Variants in PHLDB2 observed in about 807,000 individuals in gnomAD.
The protein encoded by PHLDB2 is pleckstrin homology like domain family B member 2, also known as pleckstrin homology-like domain family B member 2.
PHLDB2 carries 71 observed loss-of-function variants against 123.6 expected under a neutral mutation model. That is an observed-to-expected ratio of 0.57 (90% CI 0.47 to 0.70). The LOEUF (loss-of-function observed/expected upper bound fraction) is 0.70, where lower values mean the gene tolerates loss of function less well. Among genes scored for constraint, PHLDB2 ranks in the 30% least tolerant of loss-of-function variants. The pLI is 0.00. For synonymous variants in PHLDB2, 547 were observed against 541.6 expected (o/e 1.01, Z -0.14); for missense variants, 1,446 against 1,519.5 (o/e 0.95, Z 0.80).
chr3:111,905,210 T>A (rs1185582007), intron 2 of PHLDB2, among the ~76,000 whole-genome samples: 4 of 152,212 alleles, frequency 2.6e-5, no homozygotes, highest in Non-Finnish European at 5.9e-5. Flanking sequence ...GAGTTTTAGC[T>A]AACTGCTGTT....
chr3:111,853,138 A>C (rs996648337), intron 2 of PHLDB2, among the ~76,000 whole-genome samples: 5 of 152,182 alleles, frequency 3.3e-5, no homozygotes, highest in Admixed American at 6.5e-5. Context: ...TAAAAACCAA[A>C]TATTCAATAA....
intron 1 of PHLDB2, among the ~76,000 whole-genome samples, chr3:111,806,593 T>A (rs575165285): frequency 1.3e-5 from 2 of 151,948 alleles, no homozygotes; most frequent in South Asian, 4.2e-4. Flanking sequence ...CAAGCAATTC[T>A]CGTGCCTTCA....
chr3:111,747,139 T>C (rs1308682409), intron 1 of PHLDB2, among the ~76,000 whole-genome samples: 6 of 152,234 alleles, frequency 3.9e-5, no homozygotes, highest in South Asian at 4.1e-4. Context: ...GAATGCAAGA[T>C]GATATGTAAT....
At position 111,913,705 on chromosome 3, in the gene PHLDB2, A is replaced by G. The variant is rs146117691; in HGVS notation, c.1719+3A>G. ...CTTATCTAAGTATCCTACCAAAGGTAATGTTGGCCCAGCAAAGATACTAGG... is the reference window on the plus strand; with the variant it reads ...CTTATCTAAGTATCCTACCAAAGGTGATGTTGGCCCAGCAAAGATACTAGG... On this transcript the variant is annotated splice_donor_region_variant and intron_variant, in intron 3 of 17. Transcript: ENST00000431670. 6.2e-7 allele frequency: 1 copy of G among 1,607,902 alleles called. No individual in the cohort carries two copies. The highest frequency in any genetic ancestry group is 1.3e-5 in the African/African-American group (1 of 74,946).
chr3:111,836,422 A>T (rs1027596760), intron 1 of PHLDB2, among the ~76,000 whole-genome samples: 2 of 152,160 alleles, frequency 1.3e-5, no homozygotes, highest in South Asian at 4.1e-4. Context: ...TTCTACAGAG[A>T]TATGTTAAGT....
intron 1 of PHLDB2, among the ~76,000 whole-genome samples, chr3:111,751,000 T>C (rs1297012953): frequency 6.6e-6 from 1 of 151,016 alleles, no homozygotes; most frequent in Non-Finnish European, 1.5e-5. Context: ...TATTGAACCA[T>C]ATATGCCAGA....
chr3:111,948,781 G>A (rs762698605), intron 9 of PHLDB2, 151 bp from the exon 10 acceptor site: 11 of 631,346 alleles, frequency 1.7e-5, no homozygotes, highest in Non-Finnish European at 2.6e-5. Flanking sequence ...CATTTTAATT[G>A]CTGATTATTC....
chr3:111,777,182 C>T (rs1469620422), intron 1 of PHLDB2, among the ~76,000 whole-genome samples: 2 of 151,946 alleles, frequency 1.3e-5, no homozygotes, highest in South Asian at 2.1e-4. Flanking sequence ...GGAATCAAGG[C>T]ATCTTCTCAA....
upstream of PHLDB2, among the ~76,000 whole-genome samples, chr3:111,857,019 G>A (rs1397613580): frequency 1.3e-5 from 2 of 152,118 alleles, no homozygotes; most frequent in Non-Finnish European, 2.9e-5. Context: ...AGGAAGTGAG[G>A]GAGTGAACCA....
At chr3:111,753,611 C>G (rs1287375967) in intron 1 of PHLDB2, among the ~76,000 whole-genome samples, 1 of 152,182 alleles carries the variant, frequency 6.6e-6, no homozygotes, top group Admixed American at 6.5e-5. Flanking sequence ...CCTGTTCACT[C>G]TGATGGTAGT....
At chr3:111,830,379 C>T (rs1048428088) in intron 1 of PHLDB2, among the ~76,000 whole-genome samples, 8 of 151,514 alleles carry the variant, frequency 5.3e-5, no homozygotes, top group Admixed American at 1.3e-4. Context: ...ATCTTACATG[C>T]GACATTTTTC....
At chr3:111,877,749 T>C (rs1046466016) in intron 1 of PHLDB2, among the ~76,000 whole-genome samples, 12 of 152,224 alleles carry the variant, frequency 7.9e-5, no homozygotes, top group African/African-American at 2.9e-4. Flanking sequence ...TTGTATAAGG[T>C]GTAAAGAAGG....
At chr3:111,961,847 G>A (rs1334554259) in intron 12 of PHLDB2, 3 of 444,660 alleles carry the variant, frequency 6.7e-6, no homozygotes, top group Non-Finnish European at 1.2e-5. Flanking sequence ...GTTGCTGGTT[G>A]TGCTGAGATG....
chr3:111,779,363 A>T (rs2060326770), intron 1 of PHLDB2, among the ~76,000 whole-genome samples: 1 of 151,968 alleles, frequency 6.6e-6, no homozygotes, highest in Non-Finnish European at 1.5e-5. Flanking sequence ...CCAGGTACTA[A>T]GCGTAGTACC....
intron 2 of PHLDB2, among the ~76,000 whole-genome samples, chr3:111,912,885 A>T (rs1488059364): frequency 6.6e-6 from 1 of 152,234 alleles, no homozygotes; most frequent in East Asian, 1.9e-4. Flanking sequence ...AGGCTGAGGC[A>T]GGAGGATCAC....
intron 1 of PHLDB2, among the ~76,000 whole-genome samples, chr3:111,831,034 G>GA (rs1559855393): frequency 0.047 from 2,123 of 45,598 alleles, 129 homozygotes; most frequent in East Asian, 0.069. Context: ...AGAAAGAAAG[G>GA]AAGGAAGGAA....
At chr3:111,930,568 T>C (rs1466207826) in intron 5 of PHLDB2, among the ~76,000 whole-genome samples, 1 of 152,186 alleles carries the variant, frequency 6.6e-6, no homozygotes, top group African/African-American at 2.4e-5. Flanking sequence ...ACACCTTTTC[T>C]TAGCCAGAGG....
At chr3:111,848,463 G>C (rs1250867560) in intron 2 of PHLDB2, among the ~76,000 whole-genome samples, 1 of 152,170 alleles carries the variant, frequency 6.6e-6, no homozygotes, top group African/African-American at 2.4e-5. Context: ...GCTCATCAAT[G>C]CTCAGCAGGC....
At chr3:111,760,593 C>T (rs952060988) in intron 1 of PHLDB2, among the ~76,000 whole-genome samples, 5 of 152,102 alleles carry the variant, frequency 3.3e-5, no homozygotes, top group Non-Finnish European at 5.9e-5. Context: ...TGTTGGACTG[C>T]GGGACTCATC....
Sources: gnomAD v4.1 joint callset for allele counts (sites outside exome capture counted in the v4.1 genomes callset) on GRCh38, gnomAD v4.1.1 for gene constraint, MANE v1.5 for transcripts, NCBI Gene and HGNC (gene_info 2026-07-23, HGNC 2026-07-21) for gene names.